The following PIK3C3 variants were observed in gnomAD, a reference collection of about 807,000 sequenced individuals.
The protein encoded by PIK3C3 is PI3-kinase type 3.
Under a neutral mutation model 126.1 loss-of-function variants are expected in PIK3C3, and 95 were observed. That is an observed-to-expected ratio of 0.75 (90% CI 0.64 to 0.89). The LOEUF (loss-of-function observed/expected upper bound fraction) is 0.89. PIK3C3 is among the 40% of genes least tolerant of loss of function. The pLI is 0.00. For synonymous variants in PIK3C3, 374 were observed against 360.0 expected (o/e 1.04, Z -0.44); for missense variants, 829 against 1,063.2 (o/e 0.78, Z 3.06).
intron 7 of PIK3C3, 136 bp from the exon 8 acceptor site, chr18:41,995,754 A>G: frequency 1.5e-6 from 1 of 648,314 alleles, no homozygotes; most frequent in Non-Finnish European, 2.8e-6. Context: ...AGATATGTAG[A>G]AGACTGCTAA....
At chr18:42,047,646 G>A (rs1984616184) in intron 20 of PIK3C3, among the ~76,000 whole-genome samples, 2 of 152,158 alleles carry the variant, frequency 1.3e-5, no homozygotes, top group South Asian at 2.1e-4. Context: ...GGATTTTCAG[G>A]TGATTCTTAT....
intron 22 of PIK3C3, among the ~76,000 whole-genome samples, chr18:42,059,404 G>T (rs977747481): frequency 6.4e-4 from 97 of 152,230 alleles, no homozygotes; most frequent in African/African-American, 2.3e-3. Flanking sequence ...TAATATCTGC[G>T]ATTTTTAATT....
chr18:42,053,783 T>C (rs1316314960), intron 21 of PIK3C3, among the ~76,000 whole-genome samples: 1 of 152,008 alleles, frequency 6.6e-6, no homozygotes, highest in Non-Finnish European at 1.5e-5. Flanking sequence ...AACTGAAAAA[T>C]ATGTTCACTG....
At chr18:42,040,787 C>T (rs1389393026) in intron 19 of PIK3C3, 46 bp downstream of exon 19, 3 of 1,252,086 alleles carry the variant, frequency 2.4e-6, no homozygotes, top group Admixed American at 2.0e-5. Flanking sequence ...ATATTCTTGT[C>T]ATAAAAAATT....
intron 16 of PIK3C3, 63 bp downstream of exon 16, chr18:42,034,020 A>T: frequency 8.5e-7 from 1 of 1,178,368 alleles, no homozygotes; most frequent in Non-Finnish European, 1.2e-6. Flanking sequence ...GATCAGAGAT[A>T]CTACCTTGGA....
At chr18:42,034,300 C>T (rs951679428) in intron 16 of PIK3C3, among the ~76,000 whole-genome samples, 4 of 152,090 alleles carry the variant, frequency 2.6e-5, no homozygotes. Context: ...GCAGTCTTCC[C>T]ACCTCAGCCT....
chr18:41,979,252 C>T (rs1048506637), intron 4 of PIK3C3, among the ~76,000 whole-genome samples: 1 of 152,084 alleles, frequency 6.6e-6, no homozygotes, highest in Non-Finnish European at 1.5e-5. Context: ...TGAGCACTTG[C>T]TCTCTTTCTG....
At chr18:42,026,944 C>T (rs60861018) in intron 13 of PIK3C3, 34,135 of 151,950 alleles carry the variant, frequency 0.22, 4,311 homozygotes, top group South Asian at 0.38. Context: ...CTTTGAAAAA[C>T]GGGAAACTGG....
At chr18:42,076,089 C>CATATATATATATGCATATATATATAT (rs1985963004) in intron 24 of PIK3C3, among the ~76,000 whole-genome samples, 1 of 54,660 alleles carries the variant, frequency 1.8e-5, no homozygotes, top group Non-Finnish European at 3.3e-5. Context: ...CTTTACCTTG[C>CATATATATATATGCATATATATATAT]ATATATATAT....
intron 11 of PIK3C3, among the ~76,000 whole-genome samples, chr18:42,014,664 A>G (rs1982988671): frequency 6.6e-6 from 1 of 152,192 alleles, no homozygotes; most frequent in Non-Finnish European, 1.5e-5. Context: ...TTTTGTGAAG[A>G]TCATTAGGTT....
intron 10 of PIK3C3, among the ~76,000 whole-genome samples, chr18:42,011,947 AATTG>A (rs1408949213): frequency 2.6e-5 from 4 of 152,152 alleles, no homozygotes; most frequent in Non-Finnish European, 1.5e-5. Context: ...ATTCAACATT[AATTG>A]ATTAAGTGTG....
chr18:42,013,750 G>A lies in PIK3C3; in HGVS notation c.1325+154G>A, dbSNP rs139147886. ...ATTGCATGTGTACTCACAGCACACA[G>A]ATTACTATATTAGGGAATAGTGTTT... On this transcript the variant is annotated intron_variant, in intron 11 of 24. Transcript: ENST00000262039. 2.2e-3 allele frequency among the ~76,000 whole-genome samples: 338 copies of A among 152,262 alleles called. 1 individual carries two copies. Among genetic ancestry groups the A allele is most frequent in the African/African-American group, 7.5e-3 (312 of 41,546 alleles).
intron 22 of PIK3C3, among the ~76,000 whole-genome samples, chr18:42,063,480 A>C (rs2144514688): frequency 6.6e-6 from 1 of 152,322 alleles, no homozygotes; most frequent in Admixed American, 6.5e-5. Flanking sequence ...AGCTAGGTTA[A>C]AGCTGTTTAG....
chr18:42,024,727 A>C (rs1003927923), intron 13 of PIK3C3, among the ~76,000 whole-genome samples: 3 of 151,510 alleles, frequency 2.0e-5, no homozygotes, highest in Non-Finnish European at 1.5e-5. Context: ...GAACCACCAC[A>C]CCTGGCAGAC....
intron 4 of PIK3C3, among the ~76,000 whole-genome samples, chr18:41,972,511 A>G (rs1980718510): frequency 6.6e-6 from 1 of 152,124 alleles, no homozygotes; most frequent in East Asian, 1.9e-4. Context: ...GAGAGTGAGC[A>G]GCTTACAGTC....
chr18:42,009,732 A>C (rs1045631203), intron 10 of PIK3C3, among the ~76,000 whole-genome samples: 4 of 148,720 alleles, frequency 2.7e-5, no homozygotes, highest in South Asian at 2.1e-4. Context: ...ACATTATGTA[A>C]TGCTTACATT....
At chr18:41,961,243 A>G (rs891040778) in intron 2 of PIK3C3, among the ~76,000 whole-genome samples, 1 of 152,148 alleles carries the variant, frequency 6.6e-6, no homozygotes, top group Non-Finnish European at 1.5e-5. Context: ...ATTATTTTGG[A>G]TGTTATCGCT....
At chr18:42,075,383 A>G (rs1357955090) in intron 24 of PIK3C3, among the ~76,000 whole-genome samples, 2 of 152,118 alleles carry the variant, frequency 1.3e-5, no homozygotes, top group African/African-American at 4.8e-5. Flanking sequence ...TGTAACACCA[A>G]TATATCACAC....
At chr18:42,081,058 T>A (rs1357001279) in intron 24 of PIK3C3, 65 bp from the exon 25 acceptor site, 3 of 944,684 alleles carry the variant, frequency 3.2e-6, no homozygotes, top group Non-Finnish European at 4.9e-6. Flanking sequence ...AACTATAGAC[T>A]ATTGTTTATC....
Sources: allele counts gnomAD v4.1 joint callset (sites outside exome capture counted in the v4.1 genomes callset), GRCh38; gene constraint gnomAD v4.1.1; transcripts MANE v1.5; gene names NCBI Gene and HGNC (gene_info 2026-07-23, HGNC 2026-07-21).